Variants in SH2D4A observed in about 807,000 individuals in gnomAD.
The protein encoded by SH2D4A is SH2 domain containing 4A.
In SH2D4A, 70 loss-of-function variants were observed where a neutral mutation model predicts 64.7. The ratio of observed to expected loss-of-function variants is 1.08; its 90% CI spans 0.89 to 1.32. SH2D4A has a LOEUF of 1.32. SH2D4A is among the 40% of genes most tolerant of loss of function. The pLI, the probability that SH2D4A is intolerant of heterozygous loss-of-function variation, is 0.00. For synonymous variants in SH2D4A, 268 were observed against 200.7 expected (o/e 1.34, Z -2.83); for missense variants, 706 against 540.1 (o/e 1.31, Z -3.04).
chr8:19,361,376 A>G, intron 6 of SH2D4A, 62 bp downstream of exon 6: 2 of 1,502,914 alleles, frequency 1.3e-6, no homozygotes, highest in Non-Finnish European at 1.8e-6. Context: ...TCCCTTAATA[A>G]TGTGATCAAT....
intron 4 of SH2D4A, among the ~76,000 whole-genome samples, chr8:19,346,775 A>G (rs1231900865): frequency 1.3e-5 from 2 of 152,178 alleles, no homozygotes; most frequent in African/African-American, 2.4e-5. Flanking sequence ...CTTGCCCAGT[A>G]TTGTCTGATG....
chr8:19,373,223 A>C (rs549773136), intron 7 of SH2D4A, among the ~76,000 whole-genome samples: 18 of 151,940 alleles, frequency 1.2e-4, no homozygotes, highest in South Asian at 4.2e-4. Flanking sequence ...GAGGAGGTGT[A>C]TAATGGTAGT....
chr8:19,385,784 TTCTG>T (rs1218626866), intron 8 of SH2D4A, among the ~76,000 whole-genome samples: 15 of 152,268 alleles, frequency 9.9e-5, no homozygotes, highest in East Asian at 1.9e-4. Context: ...CAAAATTTCT[TTCTG>T]TCTAAGATCT....
Position 19,313,732 on chromosome 8 carries a change from G to T in SH2D4A, c.-296G>T, listed in dbSNP as rs375745079. 6.6e-7 allele frequency: 1 copy of T among 1,508,330 alleles called. No individual in the cohort carries two copies. The highest frequency in any genetic ancestry group is 1.2e-5 in the South Asian group (1 of 82,388). The allele number at this position is 1,508,330 out of a possible 1,614,324, so 93.4% of individuals were successfully genotyped here. On this transcript the variant is annotated 5_prime_UTR_variant, in exon 1 of 10. Coordinates refer to ENST00000265807, the MANE Select transcript of SH2D4A (RefSeq NM_022071.4). Reference sequence around the variant, plus strand: ...CGCCTGCGCCGCTTGGGACGCCTCTGCCTTTCCCTCCCTCCCTTCCCCGAC... The same window carrying T: ...CGCCTGCGCCGCTTGGGACGCCTCTTCCTTTCCCTCCCTCCCTTCCCCGAC...
At chr8:19,361,397 C>G in intron 6 of SH2D4A, 83 bp downstream of exon 6, 1 of 1,365,938 alleles carries the variant, frequency 7.3e-7, no homozygotes, top group Non-Finnish European at 9.6e-7. Flanking sequence ...CTAGAAAGCG[C>G]TTAATGTGGG....
intron 4 of SH2D4A, among the ~76,000 whole-genome samples, chr8:19,338,330 A>G (rs1216711047): frequency 6.6e-6 from 1 of 152,176 alleles, no homozygotes; most frequent in Non-Finnish European, 1.5e-5. Context: ...GGGATAAACA[A>G]TCTATTTGTT....
intron 2 of SH2D4A, among the ~76,000 whole-genome samples, chr8:19,326,906 C>G (rs577543290): frequency 1.3e-5 from 2 of 152,298 alleles, no homozygotes; most frequent in African/African-American, 4.8e-5. Flanking sequence ...GTGCCCCTGT[C>G]GAGCCCATCA....
Position 19,333,075 on chromosome 8 carries a change from G to A in SH2D4A, c.302G>A (p.Arg101Lys), listed in dbSNP as rs753115248. 15 of 1,613,848 alleles carry A rather than the reference G, an allele frequency of 9.3e-6. No individual in the cohort carries two copies. In the South Asian group the frequency reaches 1.2e-4, roughly 13 times the overall value. The stretch of plus-strand genomic sequence containing the variant: ...CTCTGTAATGAAATTATTGCTGAGA[G>A]GGCCCGGCTGAAAGCAGAACAGGAG... ...DVLCNEIIAE[R>K]ARLKAEQEAE... The change falls in exon 3 of 10, where the codon AGG becomes AAG. Residue 101 changes from arginine to lysine, a missense_variant. By Grantham distance (26) the Arg-to-Lys change is conservative. Coordinates refer to ENST00000265807, the MANE Select transcript of SH2D4A (RefSeq NM_022071.4).
Position 19,365,109 on chromosome 8 carries a change from A to G in SH2D4A, c.917+827A>G, listed in dbSNP as rs138715360. 2.6e-5 allele frequency among the ~76,000 whole-genome samples: 4 copies of G among 152,358 alleles called. No homozygotes were observed. The East Asian group carries it at 7.7e-4, about 29-fold the overall frequency. On this transcript the variant is annotated intron_variant, in intron 7 of 9. Transcript: ENST00000265807. ...AAATAAAAACTAAAAATAATTTGAA[A>G]TACTTCTCTAAGATTATGGAGAAAT...
chr8:19,364,842 G>C (rs572313567), intron 7 of SH2D4A, among the ~76,000 whole-genome samples: 1 of 152,168 alleles, frequency 6.6e-6, no homozygotes, highest in Non-Finnish European at 1.5e-5. Context: ...TAGATGAATT[G>C]TCTATTTGGT....
At chr8:19,325,993 C>T (rs1027140130) in intron 2 of SH2D4A, among the ~76,000 whole-genome samples, 12 of 152,194 alleles carry the variant, frequency 7.9e-5, no homozygotes, top group South Asian at 6.2e-4. Flanking sequence ...CCTGCTTGCC[C>T]AGTGGGGTCC....
intron 8 of SH2D4A, among the ~76,000 whole-genome samples, chr8:19,388,407 A>G (rs2053426665): frequency 6.6e-6 from 1 of 152,176 alleles, no homozygotes. Context: ...TGTCTGAGAG[A>G]ATGGGTGAGA....
intron 8 of SH2D4A, among the ~76,000 whole-genome samples, chr8:19,382,891 A>G: frequency 8.3e-6 from 1 of 120,266 alleles, no homozygotes; most frequent in Admixed American, 1.2e-4. Flanking sequence ...AGTACAGTGG[A>G]GTGATCTTGA....
At chr8:19,339,232 C>G (rs143411924) in intron 4 of SH2D4A, among the ~76,000 whole-genome samples, 1 of 152,202 alleles carries the variant, frequency 6.6e-6, no homozygotes, top group African/African-American at 2.4e-5. Context: ...AGCTTTTATT[C>G]TAGCCACACT....
chr8:19,342,228 A>C (rs542173985), intron 4 of SH2D4A, among the ~76,000 whole-genome samples: 6 of 152,134 alleles, frequency 3.9e-5, no homozygotes, highest in Admixed American at 2.6e-4. Context: ...TGTTTTTTCA[A>C]CTCTGCTGTG....
chr8:19,378,208 T>G (rs936778393), intron 8 of SH2D4A, among the ~76,000 whole-genome samples: 4 of 152,226 alleles, frequency 2.6e-5, no homozygotes, highest in Non-Finnish European at 5.9e-5. Context: ...TACATATATA[T>G]TCTCCTAGTT....
At chr8:19,376,784 C>T (rs533278862) in intron 8 of SH2D4A, among the ~76,000 whole-genome samples, 7 of 152,216 alleles carry the variant, frequency 4.6e-5, no homozygotes, top group African/African-American at 1.4e-4. Flanking sequence ...TGCTGGTCTG[C>T]TTGCTATAGA....
intron 8 of SH2D4A, among the ~76,000 whole-genome samples, chr8:19,388,943 G>A (rs2053436417): frequency 6.6e-6 from 1 of 152,176 alleles, no homozygotes; most frequent in South Asian, 2.1e-4. Flanking sequence ...AATTCTTGGA[G>A]GATTCTTGGA....
At chr8:19,323,687 T>G (rs1250509791) in intron 2 of SH2D4A, among the ~76,000 whole-genome samples, 1 of 152,188 alleles carries the variant, frequency 6.6e-6, no homozygotes, top group Non-Finnish European at 1.5e-5. Flanking sequence ...GGCCTCCTTT[T>G]GATTTTTTTA....
Sources: allele counts gnomAD v4.1 joint callset (sites outside exome capture counted in the v4.1 genomes callset), GRCh38; gene constraint gnomAD v4.1.1; transcripts MANE v1.5; gene names NCBI Gene and HGNC (gene_info 2026-07-23, HGNC 2026-07-21).